The following RCSD1 variants were observed in gnomAD, a reference collection of about 807,000 sequenced individuals.
The protein encoded by RCSD1 is RCSD domain containing 1.
Under a neutral mutation model 42.5 loss-of-function variants are expected in RCSD1, and 26 were observed. That is an observed-to-expected ratio of 0.61 (90% CI 0.45 to 0.85). The LOEUF (loss-of-function observed/expected upper bound fraction) is 0.85. Among genes scored for constraint, RCSD1 ranks in the 40% least tolerant of loss-of-function variants. The pLI is 0.00. For synonymous variants in RCSD1, 220 were observed against 212.2 expected, an observed-to-expected ratio of 1.04 and a Z score of -0.32; for missense variants, 571 against 528.3, an observed-to-expected ratio of 1.08 and a Z score of -0.79.
At chr1:167,687,797 A>G (rs1188828309) in intron 3 of RCSD1, among the ~76,000 whole-genome samples, 1 of 152,216 alleles carries the variant, frequency 6.6e-6, no homozygotes, top group Non-Finnish European at 1.5e-5. Flanking sequence ...CAGCCCCCTG[A>G]CAGCACCTGC....
rs766375514 is a variant in RCSD1 at position 167,704,674 on chromosome 1, C to T, written c.1229C>T (p.Pro410Leu). Reference sequence around the variant, plus strand: ...CTCCCCTGTTCACAGGATGACACTCCTGTCCAGGACACTAAAATGTGAAGA... The same window carrying T: ...CTCCCCTGTTCACAGGATGACACTCTTGTCCAGGACACTAAAATGTGAAGA... ...PAVPKPEDDT[P>L]VQDTKM Residue 410 changes from proline to leucine, a missense_variant, in exon 7 of 7, where the codon CCT becomes CTT. Coordinates refer to ENST00000367854, the MANE Select transcript of RCSD1 (RefSeq NM_052862.4). 6 of 1,612,972 alleles carry T rather than the reference C, an allele frequency of 3.7e-6. No homozygotes were observed. In the East Asian group the frequency reaches 8.9e-5, roughly 24 times the overall value.
intron 6 of RCSD1, among the ~76,000 whole-genome samples, chr1:167,703,177 T>C (rs530581526): frequency 9.8e-5 from 15 of 152,320 alleles, no homozygotes; most frequent in African/African-American, 3.4e-4. Context: ...CTTGGCCCTA[T>C]TTCTTCTCAG....
chr1:167,705,523 A>G lies in RCSD1; in HGVS notation c.*827A>G, dbSNP rs1400990854. On this transcript the variant is annotated 3_prime_UTR_variant, in exon 7 of 7. Transcript: ENST00000367854. ...TTGCATCTCCTCCTGAAAGAAAAGC[A>G]GTGATACCTGAATAATGCTGGCTCT... is the stretch of plus-strand genomic sequence containing the variant. 1 of 152,238 alleles carries G rather than the reference A, an allele frequency of 6.6e-6. No individual in the cohort carries two copies. The highest frequency in any genetic ancestry group is 2.4e-5 in the African/African-American group (1 of 41,452). 9.4% of individuals were successfully genotyped at this position (152,238 alleles called of 1,614,324 possible). A position where few individuals can be genotyped will look rare whatever the true frequency, so the allele number is the denominator to read the frequency against.
chr1:167,655,098 A>C (rs1480165484), intron 1 of RCSD1, among the ~76,000 whole-genome samples: 1 of 152,120 alleles, frequency 6.6e-6, no homozygotes, highest in East Asian at 1.9e-4. Context: ...AGCTGGATGG[A>C]GGCTGCACCT....
chr1:167,693,497 G>A (rs2101717676), intron 4 of RCSD1, among the ~76,000 whole-genome samples: 1 of 152,280 alleles, frequency 6.6e-6, no homozygotes, highest in African/African-American at 2.4e-5. Flanking sequence ...CTTCGTCCTG[G>A]AGCTCAGTGG....
At chr1:167,692,224 G>T (rs568103677) in intron 4 of RCSD1, among the ~76,000 whole-genome samples, 1 of 152,182 alleles carries the variant, frequency 6.6e-6, no homozygotes, top group Non-Finnish European at 1.5e-5. Flanking sequence ...TAAGAAATGC[G>T]TCGCCAGCTA....
In RCSD1 at chr1:167,683,783, A is replaced by C. The variant is rs1013459052; in HGVS notation, c.7-117A>C. On this transcript the variant is annotated intron_variant, in intron 1 of 6. Coordinates refer to ENST00000367854, the MANE Select transcript of RCSD1 (RefSeq NM_052862.4). The stretch of plus-strand genomic sequence containing the variant: ...CTTGAATGCAGGAGCCAGTTGGATA[A>C]TGCTGTTAAAATACCTCACTGTCAC... The C allele has an allele frequency of 1.3e-4, 121 of 932,380 alleles. 1 individual carries two copies. The highest frequency in any genetic ancestry group is 4.2e-5 in the Non-Finnish European group (25 of 595,608). The allele number at this position is 932,380 out of a possible 1,614,324, so 57.8% of individuals were successfully genotyped here.
chr1:167,667,046 G>C (rs919350076), intron 1 of RCSD1, among the ~76,000 whole-genome samples: 2 of 151,492 alleles, frequency 1.3e-5, no homozygotes, highest in Admixed American at 1.3e-4. Context: ...TAGCAGGCTG[G>C]TGAGAGGAGA....
At chr1:167,667,190 T>C (rs1470594693) in intron 1 of RCSD1, among the ~76,000 whole-genome samples, 1 of 150,568 alleles carries the variant, frequency 6.6e-6, no homozygotes, top group Admixed American at 6.6e-5. Flanking sequence ...TCCCGTACTT[T>C]GGATGGAGCC....
chr1:167,641,575 G>T (rs910039406), intron 1 of RCSD1: 1 of 152,054 alleles, frequency 6.6e-6, no homozygotes, highest in African/African-American at 2.4e-5. Context: ...AAAATTAGCC[G>T]GGCATGGTGG....
chr1:167,680,125 C>A (rs1659043764), intron 1 of RCSD1, among the ~76,000 whole-genome samples: 1 of 151,938 alleles, frequency 6.6e-6, no homozygotes, highest in Non-Finnish European at 1.5e-5. Context: ...AAGACCTGGG[C>A]CCAGGAAGAT....
intron 1 of RCSD1, among the ~76,000 whole-genome samples, chr1:167,640,181 A>G (rs1203130463): frequency 2.6e-5 from 4 of 152,168 alleles, no homozygotes; most frequent in Non-Finnish European, 5.9e-5. Flanking sequence ...ACAGATTACC[A>G]CAAACTGGGT....
intron 3 of RCSD1, 139 bp from the exon 4 acceptor site, chr1:167,689,910 A>T: frequency 1.4e-6 from 1 of 729,472 alleles, no homozygotes; most frequent in African/African-American, 1.8e-5. Flanking sequence ...GCCCTAATGA[A>T]GTATGTGGGC....
At chr1:167,651,334 A>G (rs1490176331) in intron 1 of RCSD1, among the ~76,000 whole-genome samples, 2 of 152,148 alleles carry the variant, frequency 1.3e-5, no homozygotes, top group African/African-American at 2.4e-5. Flanking sequence ...CAGGCTCTGA[A>G]CACCCGATCT....
chr1:167,660,742 G>A, intron 1 of RCSD1, among the ~76,000 whole-genome samples: 1 of 152,128 alleles, frequency 6.6e-6, no homozygotes, highest in African/African-American at 2.4e-5. Flanking sequence ...CCAAAGTGCT[G>A]GGATTTCAGG....
chr1:167,658,115 G>A (rs1188765943), intron 1 of RCSD1, among the ~76,000 whole-genome samples: 1 of 152,064 alleles, frequency 6.6e-6, no homozygotes, highest in Admixed American at 6.5e-5. Context: ...ACATAACTGA[G>A]ATGGTATGAG....
intron 1 of RCSD1, chr1:167,633,510 G>A (rs1017770393): frequency 6.6e-6 from 1 of 152,250 alleles, no homozygotes; most frequent in Non-Finnish European, 1.5e-5. Context: ...CAAGGTCACT[G>A]AGTATAGTAG....
intron 1 of RCSD1, among the ~76,000 whole-genome samples, chr1:167,637,730 CCACACA>C (rs66925392): frequency 0.023 from 3,359 of 146,792 alleles, 58 homozygotes; most frequent in Non-Finnish European, 0.032. Flanking sequence ...TAGGAATAGA[CCACACA>C]CACACACACA....
intron 1 of RCSD1, among the ~76,000 whole-genome samples, chr1:167,668,438 A>C (rs939847443): frequency 1.3e-5 from 2 of 151,916 alleles, no homozygotes; most frequent in African/African-American, 4.8e-5. Context: ...TTACCCCTCA[A>C]ACCTCACACT....
Sources: allele counts gnomAD v4.1 joint callset (sites outside exome capture counted in the v4.1 genomes callset), GRCh38; gene constraint gnomAD v4.1.1; transcripts MANE v1.5; gene names NCBI Gene and HGNC (gene_info 2026-07-23, HGNC 2026-07-21).